The following MAP2K5 variants were observed in gnomAD, a reference collection of about 807,000 sequenced individuals.
The protein encoded by MAP2K5 is dual specificity mitogen-activated protein kinase kinase 5.
MAP2K5 carries 49 observed loss-of-function variants against 83.1 expected under a neutral mutation model. That is an observed-to-expected ratio of 0.59 (90% CI 0.47 to 0.75). MAP2K5 has a LOEUF of 0.75. Among genes scored for constraint, MAP2K5 ranks in the 30% least tolerant of loss-of-function variants. The pLI, the probability that MAP2K5 is intolerant of heterozygous loss-of-function variation, is 0.00. For synonymous variants in MAP2K5, 202 were observed against 191.8 expected, an observed-to-expected ratio of 1.05 and a Z score of -0.44; for missense variants, 457 against 557.5, an observed-to-expected ratio of 0.82 and a Z score of 1.82.
intron 13 of MAP2K5, among the ~76,000 whole-genome samples, chr15:67,672,405 G>A (rs1450540261): frequency 2.6e-5 from 4 of 151,742 alleles, no homozygotes; most frequent in Non-Finnish European, 5.9e-5. Context: ...GCATTTCTCT[G>A]ATGGCCAGTG....
chr15:67,744,616 A>G (rs778241466), intron 17 of MAP2K5, among the ~76,000 whole-genome samples: 7 of 152,246 alleles, frequency 4.6e-5, no homozygotes, highest in Non-Finnish European at 1.0e-4. Flanking sequence ...CTCTGAATAT[A>G]ATGTAAAAGG....
intron 16 of MAP2K5, among the ~76,000 whole-genome samples, chr15:67,710,369 G>C (rs2088661148): frequency 6.6e-6 from 1 of 151,996 alleles, no homozygotes; most frequent in Non-Finnish European, 1.5e-5. Context: ...GAAGTGGTTT[G>C]AATGATGTGC....
rs182675556 is a variant in MAP2K5 at position 67,704,706 on chromosome 15, C to T, written c.1044+1298C>T. Among the ~76,000 whole-genome samples, 320 of 152,334 alleles carry T rather than the reference C, an allele frequency of 2.1e-3. 2 individuals carry two copies. Among genetic ancestry groups the T allele is most frequent in the African/African-American group, 7.5e-3 (311 of 41,588 alleles). On this transcript the variant is annotated intron_variant, in intron 16 of 21. Coordinates refer to ENST00000178640, the MANE Select transcript of MAP2K5 (RefSeq NM_145160.3). The stretch of plus-strand genomic sequence containing the variant: ...CGATAATGGTGGTCAGATCTCAGAA[C>T]TGAGTCTCCCAACAGAATCCACAAG...
rs373161731 is a variant in MAP2K5, at chr15:67,768,516, C to T, written c.1135-1086C>T. ...TTGTATGTAATGATATATTGCTCAT[C>T]CAAATGGCCAAAGCACTCCAAAGCA... On this transcript the variant is annotated intron_variant, in intron 19 of 21. Transcript: ENST00000178640. This position sits in a 1 kb window ranked among gnomAD's most constrained non-coding sequence, Gnocchi z 4.0. 4.1e-4 allele frequency among the ~76,000 whole-genome samples: 63 copies of T among 152,280 alleles called. No individual in the cohort carries two copies. The highest frequency in any genetic ancestry group is 6.8e-3 in the Middle Eastern group (2 of 294).
At position 67,562,001 on chromosome 15, in the gene MAP2K5, G is replaced by A. The variant is rs1225929570; in HGVS notation, c.185-1282G>A. ...TCTTCATGATGAGAGATTTGTCTGA[G>A]GTTCTCCAGGCTTGGGATCAGAACA... is the stretch of plus-strand genomic sequence containing the variant. On this transcript the variant is annotated intron_variant, in intron 2 of 21. Transcript: ENST00000178640. This position sits in a 1 kb window ranked among gnomAD's most constrained non-coding sequence, Gnocchi z 4.1. Among the ~76,000 whole-genome samples, 1 of 152,164 alleles carries A rather than the reference G, an allele frequency of 6.6e-6. No homozygotes were observed. The highest frequency in any genetic ancestry group is 1.5e-5 in the Non-Finnish European group (1 of 68,030).
chr15:67,630,377 ATC>A (rs1416310952), intron 8 of MAP2K5, among the ~76,000 whole-genome samples: 2 of 152,172 alleles, frequency 1.3e-5, no homozygotes, highest in Non-Finnish European at 2.9e-5. Flanking sequence ...ATTTCACTAT[ATC>A]TGTTACTTTG....
intron 9 of MAP2K5, among the ~76,000 whole-genome samples, chr15:67,639,808 A>G (rs558114760): frequency 4.6e-5 from 7 of 152,292 alleles, no homozygotes; most frequent in African/African-American, 1.4e-4. Context: ...TCACTTCAAC[A>G]CTTTGATTCA....
intron 13 of MAP2K5, among the ~76,000 whole-genome samples, chr15:67,669,245 AG>A (rs2087465074): frequency 6.6e-6 from 1 of 152,192 alleles, no homozygotes; most frequent in Non-Finnish European, 1.5e-5. Flanking sequence ...AGAGTGGGTT[AG>A]GAAACATTTC....
chr15:67,640,473 T>C lies in MAP2K5; in HGVS notation c.586-5758T>C. 2.2e-6 allele frequency: 1 copy of C among 463,812 alleles called. No homozygotes were observed. The highest frequency in any genetic ancestry group is 2.8e-6 in the Non-Finnish European group (1 of 352,930). The allele number at this position is 463,812 out of a possible 1,614,324, so 28.7% of individuals were successfully genotyped here. A position where few individuals can be genotyped will look rare whatever the true frequency, so the allele number is the denominator to read the frequency against. ...TGACTTCAAGCATGTCACTTGAACCTCCCAGTGACCTCAGCTGTGAAACGG... is the reference window on the plus strand; with the variant it reads ...TGACTTCAAGCATGTCACTTGAACCCCCCAGTGACCTCAGCTGTGAAACGG... On this transcript the variant is annotated intron_variant, in intron 9 of 21. Transcript: ENST00000178640. This position sits in a 1 kb window ranked among gnomAD's most constrained non-coding sequence, Gnocchi z 4.6.
intron 8 of MAP2K5, among the ~76,000 whole-genome samples, chr15:67,610,179 A>G (rs936739178): frequency 6.6e-6 from 1 of 152,210 alleles, no homozygotes; most frequent in African/African-American, 2.4e-5. Flanking sequence ...GATGTAAGAT[A>G]TAAAATTAGT....
rs565188284 is a variant in MAP2K5, at chr15:67,690,007, G to A, written c.848-2472G>A. ...TTGTAAACTTTGTTAAAACATTATG[G>A]GATTTTTGTGTGTGTGCCATTTTTT... On this transcript the variant is annotated intron_variant, in intron 13 of 21. Transcript: ENST00000178640. The surrounding 1 kb of genome is among the most constrained non-coding windows in gnomAD (Gnocchi z 4.3). Among the ~76,000 whole-genome samples the A allele has an allele frequency of 6.6e-6, 1 of 152,234 alleles. No individual in the cohort carries two copies. Among genetic ancestry groups the A allele is most frequent in the South Asian group, 2.1e-4 (1 of 4,828 alleles).
chr15:67,661,877 A>G (rs2087245997), intron 12 of MAP2K5, among the ~76,000 whole-genome samples: 1 of 152,082 alleles, frequency 6.6e-6, no homozygotes, highest in South Asian at 2.1e-4. Flanking sequence ...ACCTCCTCCT[A>G]TTACTCAAAG....
Position 67,638,737 on chromosome 15 carries a change from A to G in MAP2K5, c.586-7494A>G, listed in dbSNP as rs181953247. Reference sequence around the variant, plus strand: ...CTCCACAACCTTGCCAGCATCTGTTATTTTTTGACTTTTTAGTAATAGCCA... The same window carrying G: ...CTCCACAACCTTGCCAGCATCTGTTGTTTTTTGACTTTTTAGTAATAGCCA... On this transcript the variant is annotated intron_variant, in intron 9 of 21. Coordinates refer to ENST00000178640, the MANE Select transcript of MAP2K5 (RefSeq NM_145160.3). The surrounding 1 kb of genome is among the most constrained non-coding windows in gnomAD (Gnocchi z 4.5). 1.2e-3 allele frequency among the ~76,000 whole-genome samples: 183 copies of G among 152,222 alleles called. 1 individual carries two copies. The highest frequency in any genetic ancestry group is 3.4e-3 in the Middle Eastern group (1 of 294).
chr15:67,657,707 A>G (rs1448535254), intron 11 of MAP2K5, among the ~76,000 whole-genome samples: 3 of 151,986 alleles, frequency 2.0e-5, no homozygotes, highest in African/African-American at 7.3e-5. Context: ...TGGGATAAAT[A>G]TAAAGCCAGT....
intron 21 of MAP2K5, among the ~76,000 whole-genome samples, chr15:67,788,971 C>CAAAAAAA (rs58657384): frequency 7.7e-6 from 1 of 129,498 alleles, no homozygotes. Flanking sequence ...GACCCTGTCT[C>CAAAAAAA]AAAAAAAAAA....
intron 3 of MAP2K5, among the ~76,000 whole-genome samples, chr15:67,566,141 T>G (rs1004349740): frequency 3.3e-5 from 5 of 152,094 alleles, no homozygotes; most frequent in African/African-American, 9.7e-5. Flanking sequence ...ATTTTTATTG[T>G]TTTTTGCAAA....
chr15:67,798,482 A>G (rs905577639), intron 21 of MAP2K5, among the ~76,000 whole-genome samples: 2 of 152,128 alleles, frequency 1.3e-5, no homozygotes, highest in Non-Finnish European at 2.9e-5. Flanking sequence ...GCCCCATCCA[A>G]CACCGTACAA....
In MAP2K5 at chr15:67,674,512, T is replaced by TGTTTTTGTTTTGA. The variant is rs2087630981; in HGVS notation, c.847+9867_847+9868insGTTTTTGTTTTGA. 2.0e-5 allele frequency among the ~76,000 whole-genome samples: 3 copies of TGTTTTTGTTTTGA among 152,276 alleles called. No homozygotes were observed. In the East Asian group the frequency reaches 5.8e-4, roughly 29 times the overall value. Reference sequence around the variant, plus strand: ...TAGCCCATTAACAGGGTAAACAAACTCTGACTCTAGGTTGTTGGTTTTTCT... The same window carrying TGTTTTTGTTTTGA: ...TAGCCCATTAACAGGGTAAACAAACTGTTTTTGTTTTGACTGACTCTAGGTTGTTGGTTTTTCT... On this transcript the variant is annotated intron_variant, in intron 13 of 21. Transcript: ENST00000178640.
In MAP2K5 at chr15:67,567,567, T is replaced by G. The variant is rs746475268; in HGVS notation, c.252+4217T>G. The stretch of plus-strand genomic sequence containing the variant: ...TTTTAGTAGAGATGGGGTTTCACCT[T>G]GTTAGCCGGGATGGTCTCGATCTCC... On this transcript the variant is annotated intron_variant, in intron 3 of 21. Transcript: ENST00000178640. 1.1e-3 allele frequency among the ~76,000 whole-genome samples: 167 copies of G among 152,144 alleles called. 1 individual carries two copies. Among genetic ancestry groups the G allele is most frequent in the Non-Finnish European group, 1.9e-3 (126 of 67,992 alleles).
Sources: allele counts gnomAD v4.1 joint callset (sites outside exome capture counted in the v4.1 genomes callset), GRCh38; gene constraint gnomAD v4.1.1; non-coding constraint Gnocchi (gnomAD v3.1); transcripts MANE v1.5; gene names NCBI Gene and HGNC (gene_info 2026-07-23, HGNC 2026-07-21).